The following TTC29 variants were observed in gnomAD, a reference collection of about 807,000 sequenced individuals.
TTC29 encodes tetratricopeptide repeat protein 29.
In TTC29, 49 loss-of-function variants were observed where a neutral mutation model predicts 58.1. The ratio of observed to expected loss-of-function variants is 0.84; its 90% CI spans 0.67 to 1.07. The LOEUF (loss-of-function observed/expected upper bound fraction) is 1.07, where lower values mean the gene tolerates loss of function less well. Ranked by LOEUF, TTC29 falls within the 50% of genes least tolerant of loss-of-function variation. TTC29 has a pLI of 0.00. For synonymous variants in TTC29, 209 were observed against 196.8 expected, an observed-to-expected ratio of 1.06 and a Z score of -0.52; for missense variants, 582 against 555.6, an observed-to-expected ratio of 1.05 and a Z score of -0.48.
At chr4:146,911,804 G>A (rs910103524) in intron 4 of TTC29, among the ~76,000 whole-genome samples, 3 of 152,144 alleles carry the variant, frequency 2.0e-5, no homozygotes, top group Non-Finnish European at 2.9e-5. Flanking sequence ...AACCACTAGC[G>A]GATTTCCACT....
chr4:146,740,262 G>A (rs954974893), intron 11 of TTC29, among the ~76,000 whole-genome samples: 6 of 152,068 alleles, frequency 3.9e-5, no homozygotes, highest in Middle Eastern at 3.2e-3. Flanking sequence ...ACATTTCACC[G>A]GCTTAGGAGA....
intron 6 of TTC29, among the ~76,000 whole-genome samples, chr4:146,886,756 C>CT (rs1561221018): frequency 1.3e-5 from 2 of 152,062 alleles, no homozygotes; most frequent in African/African-American, 4.8e-5. Context: ...AAGGTCTCTG[C>CT]TGAGCAAATC....
intron 8 of TTC29, among the ~76,000 whole-genome samples, chr4:146,861,771 C>T (rs963130902): frequency 1.3e-4 from 20 of 151,528 alleles, no homozygotes; most frequent in African/African-American, 4.6e-4. Flanking sequence ...TTGTGTTTAT[C>T]CAAGTTTCTT....
intron 8 of TTC29, among the ~76,000 whole-genome samples, chr4:146,852,531 A>G (rs1267497458): frequency 6.6e-6 from 1 of 152,210 alleles, no homozygotes; most frequent in African/African-American, 2.4e-5. Flanking sequence ...CACTCCTGCA[A>G]GGCTCCTACT....
chr4:146,747,224 T>C (rs1202133781), intron 11 of TTC29, among the ~76,000 whole-genome samples: 1 of 152,148 alleles, frequency 6.6e-6, no homozygotes, highest in Non-Finnish European at 1.5e-5. Context: ...AAGGAGCTCA[T>C]GATGTGTCCT....
At chr4:146,930,118 T>TATATAC (rs1334021950) in intron 4 of TTC29, among the ~76,000 whole-genome samples, 1,488 of 128,538 alleles carry the variant, frequency 0.012, 25 homozygotes, top group East Asian at 0.034. Context: ...TATATATATA[T>TATATAC]ACACACATAT....
intron 2 of TTC29, among the ~76,000 whole-genome samples, chr4:146,944,665 T>C (rs1736754659): frequency 6.6e-6 from 1 of 152,158 alleles, no homozygotes; most frequent in Admixed American, 6.6e-5. Flanking sequence ...GTAAGCAAGT[T>C]TATTATACAT....
intron 6 of TTC29, among the ~76,000 whole-genome samples, chr4:146,894,630 T>C (rs919835825): frequency 1.3e-5 from 2 of 151,922 alleles, no homozygotes; most frequent in African/African-American, 4.8e-5. Context: ...TGTATACATA[T>C]GTAACTAACC....
intron 8 of TTC29, among the ~76,000 whole-genome samples, chr4:146,850,592 C>T (rs1267055346): frequency 6.6e-6 from 1 of 152,190 alleles, no homozygotes; most frequent in Non-Finnish European, 1.5e-5. Flanking sequence ...AAAACCACAA[C>T]CAGAATCCAG....
chr4:146,755,694 C>CTATATA (rs143208042), intron 11 of TTC29, among the ~76,000 whole-genome samples: 51 of 149,794 alleles, frequency 3.4e-4, no homozygotes, highest in African/African-American at 1.2e-3. Flanking sequence ...CTTTTTTTAA[C>CTATATA]TATATATATA....
intron 8 of TTC29, among the ~76,000 whole-genome samples, chr4:146,835,060 A>ATATC (rs1164520062): frequency 6.6e-6 from 1 of 152,208 alleles, no homozygotes. Flanking sequence ...AAATAAAAAC[A>ATATC]TATCTATCAC....
At chr4:146,799,522 T>C (rs759425566) in intron 11 of TTC29, among the ~76,000 whole-genome samples, 1 of 152,218 alleles carries the variant, frequency 6.6e-6, no homozygotes, top group Non-Finnish European at 1.5e-5. Flanking sequence ...GTTTTGATCA[T>C]TCTCTTTTAA....
At chr4:146,812,960 C>A (rs1018947080) in intron 10 of TTC29, 1 of 152,140 alleles carries the variant, frequency 6.6e-6, no homozygotes, top group African/African-American at 2.4e-5. Context: ...TGACAATATG[C>A]ATCCTAAATG....
At chr4:146,926,563 A>C (rs1301726209) in intron 4 of TTC29, among the ~76,000 whole-genome samples, 1 of 151,992 alleles carries the variant, frequency 6.6e-6, no homozygotes, top group African/African-American at 2.4e-5. Context: ...CCCAGGTTCA[A>C]GCAATTCTCC....
rs1561066297 is a variant in TTC29, at chr4:146,728,795, G to GTGTATATATACA, written c.1331-21245_1331-21244insTGTATATATACA. Among the ~76,000 whole-genome samples, 387 of 111,412 alleles carry GTGTATATATACA rather than the reference G, an allele frequency of 3.5e-3. 13 individuals carry two copies. The highest frequency in any genetic ancestry group is 4.5e-3 in the African/African-American group (123 of 27,174). The allele number at this position is 111,412 out of a possible 152,430, so 73.1% of individuals were successfully genotyped here. A position where few individuals can be genotyped will look rare whatever the true frequency, so the allele number is the denominator to read the frequency against. On this transcript the variant is annotated intron_variant, in intron 11 of 12. Coordinates refer to ENST00000325106, the MANE Select transcript of TTC29 (RefSeq NM_031956.4). ...TACACATATATATGTGTATATATAC[G>GTGTATATATACA]TATATATACACATATATATGTGTAT...
chr4:146,793,163 T>C (rs1398311407), intron 11 of TTC29, among the ~76,000 whole-genome samples: 1 of 152,178 alleles, frequency 6.6e-6, no homozygotes, highest in Non-Finnish European at 1.5e-5. Context: ...AAAACAGTGG[T>C]AGAGTTTGAG....
intron 11 of TTC29, among the ~76,000 whole-genome samples, chr4:146,713,906 CCAGACACTAA>C (rs1742724368): frequency 6.6e-6 from 1 of 152,080 alleles, no homozygotes; most frequent in Non-Finnish European, 1.5e-5. Flanking sequence ...ATTAATCTGT[CCAGACACTAA>C]ATACTTTCTT....
At chr4:146,881,722 T>C (rs936471614) in intron 6 of TTC29, among the ~76,000 whole-genome samples, 20 of 152,092 alleles carry the variant, frequency 1.3e-4, no homozygotes, top group African/African-American at 4.6e-4. Context: ...CTTGCCACAC[T>C]TCCAACAGAA....
intron 11 of TTC29, among the ~76,000 whole-genome samples, chr4:146,794,271 T>C (rs138390893): frequency 6.6e-5 from 10 of 152,276 alleles, no homozygotes; most frequent in Non-Finnish European, 1.3e-4. Flanking sequence ...GATCAAATTA[T>C]AATAGCCTGC....
Sources: allele counts gnomAD v4.1 joint callset (sites outside exome capture counted in the v4.1 genomes callset), GRCh38; gene constraint gnomAD v4.1.1; transcripts MANE v1.5; gene names NCBI Gene and HGNC (gene_info 2026-07-23, HGNC 2026-07-21).